TP63: variants seen among roughly 807,000 people sequenced by gnomAD.
TP63 encodes the protein tumor protein p63, also known as tumor protein 63.
Under a neutral mutation model 82.8 loss-of-function variants are expected in TP63, and 17 were observed. The observed-to-expected ratio is 0.21, with a 90% CI of 0.14 to 0.31. The LOEUF is 0.31. Ranked by LOEUF, TP63 falls within the 10% of genes least tolerant of loss-of-function variation. TP63 has a pLI of 1.00. For missense variants in TP63, 648 were observed against 895.3 expected (o/e 0.72, Z 3.52); for synonymous variants, 330 against 321.7 (o/e 1.03, Z -0.28).
intron 3 of TP63, among the ~76,000 whole-genome samples, chr3:189,806,592 T>G (rs182593749): frequency 6.6e-6 from 1 of 152,338 alleles, no homozygotes; most frequent in East Asian, 1.9e-4. Context: ...TTGTCTTACC[T>G]GCAGTTTGGC....
intron 3 of TP63, among the ~76,000 whole-genome samples, chr3:189,786,470 C>CAT (rs1373214272): frequency 6.6e-6 from 1 of 151,742 alleles, no homozygotes; most frequent in African/African-American, 2.4e-5. Flanking sequence ...CACACACACA[C>CAT]ACACACACAC....
chr3:189,798,479 A>C (rs140985703), intron 3 of TP63, among the ~76,000 whole-genome samples: 2 of 152,226 alleles, frequency 1.3e-5, no homozygotes, highest in African/African-American at 4.8e-5. Flanking sequence ...TTGATTACTC[A>C]CAAGGACAGA....
At chr3:189,701,018 G>A (rs1022293406) in intron 1 of TP63, among the ~76,000 whole-genome samples, 5 of 152,158 alleles carry the variant, frequency 3.3e-5, no homozygotes, top group African/African-American at 9.7e-5. Context: ...TCTGTGATAT[G>A]TGATTTTAGA....
At chr3:189,737,377 G>T (rs961925694) in intron 1 of TP63, among the ~76,000 whole-genome samples, 1 of 152,092 alleles carries the variant, frequency 6.6e-6, no homozygotes, top group Non-Finnish European at 1.5e-5. Flanking sequence ...TGGGTTTAAT[G>T]ATAGGTCAGG....
At chr3:189,649,541 G>A (rs1712711968) in intron 1 of TP63, among the ~76,000 whole-genome samples, 1 of 146,726 alleles carries the variant, frequency 6.8e-6, no homozygotes, top group African/African-American at 2.6e-5. Flanking sequence ...TTAATACCTG[G>A]ATGATGAAAT....
the TP63 span, among the ~76,000 whole-genome samples, chr3:189,624,117 A>G: frequency 6.6e-6 from 1 of 152,122 alleles, no homozygotes; most frequent in Non-Finnish European, 1.5e-5. Context: ...ATATACCTAC[A>G]TATGTTTTTG....
rs551254306 is a variant in TP63, at chr3:189,774,212, A to G, written c.325-34060A>G. 6.8e-4 allele frequency among the ~76,000 whole-genome samples: 103 copies of G among 152,060 alleles called. 2 individuals carry two copies. Among genetic ancestry groups the G allele is most frequent in the South Asian group, 3.3e-3 (16 of 4,824 alleles). On this transcript the variant is annotated intron_variant, in intron 3 of 13. Transcript: ENST00000264731. The stretch of plus-strand genomic sequence containing the variant: ...GCTGGGATTACAGGCGTGAGCCACC[A>G]CGCCCGGCCGTATTCTGTCTTTTGA...
chr3:189,693,871 G>A (rs1717138364), intron 1 of TP63, among the ~76,000 whole-genome samples: 1 of 152,170 alleles, frequency 6.6e-6, no homozygotes, highest in Admixed American at 6.5e-5. Context: ...CAAGGTCGTT[G>A]TGAAGGTTCA....
chr3:189,683,125 G>T (rs939808715), intron 1 of TP63, among the ~76,000 whole-genome samples: 2 of 152,080 alleles, frequency 1.3e-5, no homozygotes, highest in Non-Finnish European at 2.9e-5. Context: ...ATAAGCCCTG[G>T]ATCACCTTAT....
At chr3:189,639,106 A>G (rs1027157906) in intron 1 of TP63, among the ~76,000 whole-genome samples, 3 of 152,168 alleles carry the variant, frequency 2.0e-5, no homozygotes, top group South Asian at 2.1e-4. Flanking sequence ...TTGAAGCTCA[A>G]ATTTGTCTGG....
intron 1 of TP63, among the ~76,000 whole-genome samples, chr3:189,683,930 A>T (rs997067402): frequency 6.6e-6 from 1 of 152,214 alleles, no homozygotes; most frequent in Non-Finnish European, 1.5e-5. Context: ...GATGAAAAAT[A>T]GATTCAGTAA....
At chr3:189,882,611 T>C (rs1218855649) in intron 10 of TP63, among the ~76,000 whole-genome samples, 1 of 152,064 alleles carries the variant, frequency 6.6e-6, no homozygotes, top group Non-Finnish European at 1.5e-5. Flanking sequence ...TACTAGAGGG[T>C]TGCTTTTTAA....
At chr3:189,880,124 A>G (rs577942686) in intron 10 of TP63, 3 of 1,613,816 alleles carry the variant, frequency 1.9e-6, no homozygotes, top group African/African-American at 1.3e-5. Flanking sequence ...CTCCAAAACA[A>G]TCTGACGTCT....
the TP63 span, among the ~76,000 whole-genome samples, chr3:189,622,784 G>A: frequency 4.6e-5 from 7 of 152,154 alleles, no homozygotes; most frequent in African/African-American, 1.4e-4. Flanking sequence ...TTCTTAAGCC[G>A]TCTGAGTCTT....
At chr3:189,852,408 T>C (rs1345990985) in intron 4 of TP63, among the ~76,000 whole-genome samples, 1 of 152,254 alleles carries the variant, frequency 6.6e-6, no homozygotes, top group African/African-American at 2.4e-5. Flanking sequence ...CATTCTGCTT[T>C]GATTTTAGAA....
chr3:189,752,319 A>C (rs1721881198), intron 3 of TP63, among the ~76,000 whole-genome samples: 1 of 151,998 alleles, frequency 6.6e-6, no homozygotes, highest in Non-Finnish European at 1.5e-5. Flanking sequence ...GATTACAGGC[A>C]TGTGCCACCA....
the TP63 span, among the ~76,000 whole-genome samples, chr3:189,622,811 A>ATTTCAT: frequency 1.3e-5 from 2 of 152,172 alleles, no homozygotes; most frequent in South Asian, 4.1e-4. Context: ...CTCACACATG[A>ATTTCAT]AATGGAGGTA....
At chr3:189,688,785 T>C (rs1028325278) in intron 1 of TP63, among the ~76,000 whole-genome samples, 2 of 152,190 alleles carry the variant, frequency 1.3e-5, no homozygotes, top group Admixed American at 1.3e-4. Flanking sequence ...CCTGGCAGGA[T>C]TTTTGTTTAT....
At chr3:189,792,030 A>G (rs1452094516) in intron 3 of TP63, among the ~76,000 whole-genome samples, 1 of 152,094 alleles carries the variant, frequency 6.6e-6, no homozygotes, top group East Asian at 1.9e-4. Flanking sequence ...ACTATAATCC[A>G]TTCTTTGACT....
Sources: allele counts gnomAD v4.1 joint callset (sites outside exome capture counted in the v4.1 genomes callset), GRCh38; gene constraint gnomAD v4.1.1; transcripts MANE v1.5; gene names NCBI Gene and HGNC (gene_info 2026-07-23, HGNC 2026-07-21).